The following NUP210 variants were observed in gnomAD, a reference collection of about 807,000 sequenced individuals.
NUP210 encodes the protein nucleoporin 210.
Under a neutral mutation model 196.0 loss-of-function variants are expected in NUP210, and 151 were observed. The observed-to-expected ratio is 0.77, with a 90% CI of 0.67 to 0.88. NUP210 has a LOEUF of 0.88. Among genes scored for constraint, NUP210 ranks in the 40% least tolerant of loss-of-function variants. The probability of loss-of-function intolerance (pLI) is 0.00; values close to 1 mark genes in which losing one functional copy is unlikely to be tolerated. For missense variants in NUP210, 2,314 were observed against 2,493.7 expected, an observed-to-expected ratio of 0.93 and a Z score of 1.53; for synonymous variants, 1,070 against 1,052.7, an observed-to-expected ratio of 1.02 and a Z score of -0.32.
At chr3:13,375,243 C>T (rs1242331397) in intron 11 of NUP210, among the ~76,000 whole-genome samples, 2 of 151,244 alleles carry the variant, frequency 1.3e-5, no homozygotes, top group East Asian at 3.9e-4. Flanking sequence ...CTCACTTCAG[C>T]CTCCGAAAGT....
In NUP210 at chr3:13,420,035, C is replaced by T; in HGVS notation, c.167+25G>A. 8.3e-7 allele frequency: 1 copy of T among 1,210,060 alleles called. No individual in the cohort carries two copies. Among genetic ancestry groups the T allele is most frequent in the Non-Finnish European group, 1.0e-6 (1 of 961,818 alleles). 75.0% of individuals were successfully genotyped at this position (1,210,060 alleles called of 1,614,324 possible). A position where few individuals can be genotyped will look rare whatever the true frequency, so the allele number is the denominator to read the frequency against. On this transcript the variant is annotated intron_variant, in intron 1 of 39. Coordinates refer to ENST00000254508, the MANE Select transcript of NUP210 (RefSeq NM_024923.4). The surrounding 1 kb of genome is among the most constrained non-coding windows in gnomAD (Gnocchi z 4.8). ...AAGGCCCAGCCCGGCCCACGGCGCC[C>T]GCCCGGCCCGGCCGCGCGCCTCACC...
chr3:13,319,044 T>G (rs770101012), intron 39 of NUP210, 28 bp downstream of exon 39: 2 of 1,578,970 alleles, frequency 1.3e-6, no homozygotes, highest in Non-Finnish European at 1.7e-6. Flanking sequence ...CAGCTCTGCC[T>G]GGTTGTGCCT....
intron 31 of NUP210, 104 bp from the exon 32 acceptor site, chr3:13,327,541 C>T (rs1161321358): frequency 3.5e-6 from 3 of 855,518 alleles, no homozygotes; most frequent in Non-Finnish European, 5.5e-6. Context: ...AAGCATTCAA[C>T]TGACTGAGGT....
intron 3 of NUP210, among the ~76,000 whole-genome samples, chr3:13,393,344 GCT>G (rs1699551428): frequency 6.6e-6 from 1 of 152,212 alleles, no homozygotes; most frequent in Admixed American, 6.5e-5. Context: ...TGCACGTGGA[GCT>G]CTGTTTTTCA....
chr3:13,320,058 C>T (rs1207708510), intron 36 of NUP210, 79 bp from the exon 37 acceptor site: 14 of 1,317,926 alleles, frequency 1.1e-5, no homozygotes, highest in South Asian at 2.5e-5. Context: ...GACCCCGAGG[C>T]GGGAGGGCTG....
At chr3:13,360,132 T>G in intron 15 of NUP210, 138 bp downstream of exon 15, 1 of 737,916 alleles carries the variant, frequency 1.4e-6, no homozygotes, top group Admixed American at 2.6e-5. Flanking sequence ...ACGCCTCAGT[T>G]TGCCTGTCTG....
chr3:13,413,794 G>A (rs1233079110), intron 1 of NUP210, among the ~76,000 whole-genome samples: 1 of 152,092 alleles, frequency 6.6e-6, no homozygotes. Flanking sequence ...AATTGTGAAC[G>A]TACTTCATGC....
chr3:13,386,621 AC>A (rs1255755599), intron 5 of NUP210, among the ~76,000 whole-genome samples: 1 of 152,188 alleles, frequency 6.6e-6, no homozygotes, highest in Non-Finnish European at 1.5e-5. Flanking sequence ...CATTACCCAG[AC>A]TGAGCCCTCA....
intron 5 of NUP210, among the ~76,000 whole-genome samples, chr3:13,388,072 A>G (rs1387233213): frequency 8.5e-5 from 13 of 152,106 alleles, no homozygotes; most frequent in Non-Finnish European, 1.5e-5. Flanking sequence ...AGCAAATGCT[A>G]TGCACCCCTA....
In NUP210 at chr3:13,332,208, T is replaced by C; in HGVS notation, c.3935+85A>G. On this transcript the variant is annotated intron_variant, in intron 29 of 39. Coordinates refer to ENST00000254508, the MANE Select transcript of NUP210 (RefSeq NM_024923.4). Reference sequence around the variant, plus strand: ...GAGAAAACCTCCCTGAAAGTACCCATGGCTCCTGACAGTGTTGACACATGA... The same window carrying C: ...GAGAAAACCTCCCTGAAAGTACCCACGGCTCCTGACAGTGTTGACACATGA... 13 of 1,096,866 alleles carry C rather than the reference T, an allele frequency of 1.2e-5. No homozygotes were observed. The South Asian group carries it at 1.5e-4, about 13-fold the overall frequency. The allele number at this position is 1,096,866 out of a possible 1,614,324, so 67.9% of individuals were successfully genotyped here.
chr3:13,353,614 G>A lies in NUP210; in HGVS notation c.2568C>T (p.Ile856=). ...CCTGGTAGCCAGTGGCAGTGGCAGT[G>A]ATGGCTGTGGTTCCTGATGCCTCGT... ...LVHEASGTTA[I]TATATGYQES... Residue 856 remains isoleucine, a synonymous_variant, in exon 18 of 40, where the codon ATC becomes ATT. Coordinates refer to ENST00000254508, the MANE Select transcript of NUP210 (RefSeq NM_024923.4). The A allele has an allele frequency of 6.2e-7, 1 of 1,614,140 alleles. No homozygotes were observed. Among genetic ancestry groups the A allele is most frequent in the African/African-American group, 1.3e-5 (1 of 75,040 alleles).
At chr3:13,356,683 T>C (rs897682369) in intron 16 of NUP210, among the ~76,000 whole-genome samples, 2 of 152,114 alleles carry the variant, frequency 1.3e-5, no homozygotes, top group Non-Finnish European at 2.9e-5. Context: ...AGGCTGTAAA[T>C]TGCCAGAGTC....
At chr3:13,373,967 C>T in intron 11 of NUP210, 94 bp from the exon 12 acceptor site, 1 of 1,365,818 alleles carries the variant, frequency 7.3e-7, no homozygotes, top group Non-Finnish European at 1.0e-6. Flanking sequence ...CATGCACGTA[C>T]TCACACTCAT....
intron 1 of NUP210, among the ~76,000 whole-genome samples, chr3:13,414,203 G>A (rs963844419): frequency 6.6e-6 from 1 of 152,254 alleles, no homozygotes; most frequent in Non-Finnish European, 1.5e-5. Flanking sequence ...GATGACACAC[G>A]CCACCTCCCA....
chr3:13,319,060 G>C lies in NUP210; in HGVS notation c.5563+12C>G, dbSNP rs893856428. 5 of 1,594,176 alleles carry C rather than the reference G, an allele frequency of 3.1e-6. No homozygotes were observed. The Admixed American group carries it at 7.3e-5, about 23-fold the overall frequency. ...AGCTCTGCCTGGTTGTGCCTGCAGG[G>C]GGGCTACTCACAGTGGGGGCTGTGT... On this transcript the variant is annotated intron_variant, in intron 39 of 39. Coordinates refer to ENST00000254508, the MANE Select transcript of NUP210 (RefSeq NM_024923.4).
chr3:13,331,216 A>G (rs1253010958), intron 29 of NUP210, among the ~76,000 whole-genome samples: 1 of 152,158 alleles, frequency 6.6e-6, no homozygotes, highest in Non-Finnish European at 1.5e-5. Flanking sequence ...CGCTAAGAAA[A>G]CTGTTAGCAA....
chr3:13,403,641 G>A (rs1425894519), intron 1 of NUP210, among the ~76,000 whole-genome samples: 1 of 152,192 alleles, frequency 6.6e-6, no homozygotes, highest in African/African-American at 2.4e-5. Flanking sequence ...CATGTCCTGG[G>A]GTCTCTGTGG....
intron 3 of NUP210, among the ~76,000 whole-genome samples, chr3:13,395,110 G>C (rs1200803073): frequency 6.6e-6 from 1 of 152,156 alleles, no homozygotes; most frequent in African/African-American, 2.4e-5. Context: ...TCCAGGAGAG[G>C]GGGGAGTGTG....
chr3:13,342,398 G>C lies in NUP210; in HGVS notation c.2965-275C>G, dbSNP rs114932363. ...AGATGAGACACCACTTAGAACAGCA[G>C]CATCCAGTAGGAGCTCAATAAATGC... On this transcript the variant is annotated intron_variant, in intron 21 of 39. Transcript: ENST00000254508. Among the ~76,000 whole-genome samples, 418 of 152,336 alleles carry C rather than the reference G, an allele frequency of 2.7e-3. 2 individuals carry two copies. Among genetic ancestry groups the C allele is most frequent in the Non-Finnish European group, 4.7e-3 (322 of 68,044 alleles).
Sources: allele counts gnomAD v4.1 joint callset (sites outside exome capture counted in the v4.1 genomes callset), GRCh38; gene constraint gnomAD v4.1.1; non-coding constraint Gnocchi (gnomAD v3.1); transcripts MANE v1.5; gene names NCBI Gene and HGNC (gene_info 2026-07-23, HGNC 2026-07-21).